MACROD2: variants seen among roughly 807,000 people sequenced by gnomAD.
MACROD2 encodes the protein mono-ADP ribosylhydrolase 2.
In MACROD2, 36 loss-of-function variants were observed where a neutral mutation model predicts 70.4. The observed-to-expected ratio is 0.51, with a 90% CI of 0.39 to 0.68. The LOEUF (loss-of-function observed/expected upper bound fraction) is 0.68, where lower values mean the gene tolerates loss of function less well. MACROD2 is among the 30% of genes least tolerant of loss of function. MACROD2 has a pLI of 0.00. For synonymous variants in MACROD2, 172 were observed against 178.8 expected (o/e 0.96, Z 0.30); for missense variants, 496 against 538.4 (o/e 0.92, Z 0.78).
chr20:14,439,033 C>G (rs2084090609), intron 3 of MACROD2, among the ~76,000 whole-genome samples: 1 of 152,106 alleles, frequency 6.6e-6, no homozygotes, highest in Non-Finnish European at 1.5e-5. Context: ...TTTGCGGTTT[C>G]AGGTCTTAAG....
In MACROD2 at chr20:14,840,627, C is replaced by A. The variant is rs952529946; in HGVS notation, c.418+155668C>A. Among the ~76,000 whole-genome samples the A allele has an allele frequency of 1.6e-3, 238 of 152,124 alleles. 2 individuals carry two copies. Among genetic ancestry groups the A allele is most frequent in the Non-Finnish European group, 1.0e-3 (71 of 67,988 alleles). On this transcript the variant is annotated intron_variant, in intron 5 of 17. Transcript: ENST00000684519. ...AGACTATAATCAATACTCTTATCAG[C>A]CAGAACAACATACATTAAAACTAAA...
intron 3 of MACROD2, among the ~76,000 whole-genome samples, chr20:14,274,057 A>G (rs1419531965): frequency 2.0e-5 from 3 of 152,228 alleles, no homozygotes; most frequent in African/African-American, 7.2e-5. Context: ...GCCGAATTCT[A>G]CCAGAGGTAC....
intron 5 of MACROD2, among the ~76,000 whole-genome samples, chr20:15,166,954 A>G (rs2145882479): frequency 6.6e-6 from 1 of 150,440 alleles, no homozygotes; most frequent in Non-Finnish European, 1.5e-5. Flanking sequence ...TAAGTATTAA[A>G]TTATTTAAGT....
At chr20:14,304,611 G>A (rs2082503995) in intron 3 of MACROD2, among the ~76,000 whole-genome samples, 2 of 152,138 alleles carry the variant, frequency 1.3e-5, no homozygotes, top group Non-Finnish European at 2.9e-5. Context: ...ATATCCAACA[G>A]TTTATTATTT....
At chr20:14,803,769 C>T (rs561276079) in intron 5 of MACROD2, among the ~76,000 whole-genome samples, 5 of 152,206 alleles carry the variant, frequency 3.3e-5, no homozygotes, top group South Asian at 2.1e-4. Flanking sequence ...GCGTGAGCCA[C>T]GGCACCTGGC....
chr20:14,592,894 A>T (rs983953768), intron 4 of MACROD2, among the ~76,000 whole-genome samples: 2 of 152,190 alleles, frequency 1.3e-5, no homozygotes, highest in Admixed American at 6.5e-5. Context: ...GCCTTGTGTG[A>T]TCCTAAAACA....
chr20:16,039,658 GT>G (rs2067281794), intron 15 of MACROD2, among the ~76,000 whole-genome samples: 1 of 151,924 alleles, frequency 6.6e-6, no homozygotes, highest in Admixed American at 6.6e-5. Context: ...TTCACAAATG[GT>G]TTCTTCTGTA....
intron 8 of MACROD2, among the ~76,000 whole-genome samples, chr20:15,681,216 G>T (rs2050155667): frequency 6.6e-6 from 1 of 152,152 alleles, no homozygotes; most frequent in Non-Finnish European, 1.5e-5. Context: ...CTTCAAGATG[G>T]CTCATGTAAA....
At chr20:14,659,070 A>T (rs1334526242) in intron 4 of MACROD2, among the ~76,000 whole-genome samples, 2 of 152,160 alleles carry the variant, frequency 1.3e-5, no homozygotes, top group Non-Finnish European at 2.9e-5. Context: ...TTTGCTTTCT[A>T]AAAAGTTCCC....
intron 4 of MACROD2, among the ~76,000 whole-genome samples, chr20:14,569,097 T>G (rs1332826182): frequency 6.6e-6 from 1 of 152,092 alleles, no homozygotes. Context: ...CATGATTCTC[T>G]TACAACCGGC....
chr20:15,361,964 A>G (rs1020406511), intron 6 of MACROD2, among the ~76,000 whole-genome samples: 4 of 151,186 alleles, frequency 2.6e-5, no homozygotes, highest in African/African-American at 7.3e-5. Context: ...GGAATTTTCT[A>G]TACACCATCA....
At chr20:15,729,502 T>C (rs925574472) in intron 8 of MACROD2, among the ~76,000 whole-genome samples, 2 of 152,166 alleles carry the variant, frequency 1.3e-5, no homozygotes, top group Non-Finnish European at 2.9e-5. Context: ...TCTCCTGCTA[T>C]TATTGTGTGG....
chr20:14,141,565 G>A (rs1481955235), intron 3 of MACROD2, among the ~76,000 whole-genome samples: 2 of 151,768 alleles, frequency 1.3e-5, no homozygotes, highest in East Asian at 1.9e-4. Flanking sequence ...GTCCAACATG[G>A]TGAAACCCCA....
rs188684513 is a variant in MACROD2, at chr20:15,721,921, A to C, written c.646-140824A>C. On this transcript the variant is annotated intron_variant, in intron 8 of 17. Coordinates refer to ENST00000684519, the MANE Select transcript of MACROD2 (RefSeq NM_001351661.2). ...ACTACTGTCCTGACTTTTATATTCT[A>C]CTAGGTGTCCCTAAAAATACAGCAT... Among the ~76,000 whole-genome samples, 5 of 152,276 alleles carry C rather than the reference A, an allele frequency of 3.3e-5. No individual in the cohort carries two copies. The East Asian group carries it at 9.6e-4, about 29-fold the overall frequency.
intron 7 of MACROD2, among the ~76,000 whole-genome samples, chr20:15,446,576 C>T (rs978686757): frequency 6.6e-6 from 1 of 152,152 alleles, no homozygotes; most frequent in Non-Finnish European, 1.5e-5. Flanking sequence ...ACTGCCAACA[C>T]CCCAGTTTGA....
chr20:15,544,931 G>A (rs906292384), intron 8 of MACROD2, among the ~76,000 whole-genome samples: 11 of 152,194 alleles, frequency 7.2e-5, no homozygotes, highest in African/African-American at 2.7e-4. Flanking sequence ...CTCATTTCCA[G>A]GCCGCATTCC....
intron 3 of MACROD2, among the ~76,000 whole-genome samples, chr20:14,315,077 A>G (rs1298623589): frequency 1.3e-5 from 2 of 152,180 alleles, no homozygotes; most frequent in African/African-American, 4.8e-5. Context: ...ATTTTGTTTT[A>G]TGTACTTGGA....
At chr20:14,457,545 T>C (rs1181255578) in intron 3 of MACROD2, among the ~76,000 whole-genome samples, 1 of 152,114 alleles carries the variant, frequency 6.6e-6, no homozygotes, top group African/African-American at 2.4e-5. Context: ...CTTAGTTGCA[T>C]ACAAAAATTC....
chr20:15,899,487 T>G (rs2065032209), intron 10 of MACROD2, among the ~76,000 whole-genome samples: 1 of 152,204 alleles, frequency 6.6e-6, no homozygotes, highest in African/African-American at 2.4e-5. Context: ...TAATTGAATA[T>G]GCATACACAC....
Sources: allele counts gnomAD v4.1 joint callset (sites outside exome capture counted in the v4.1 genomes callset), GRCh38; gene constraint gnomAD v4.1.1; transcripts MANE v1.5; gene names NCBI Gene and HGNC (gene_info 2026-07-23, HGNC 2026-07-21).